Variants in GRIP1 observed in about 807,000 individuals in gnomAD.
GRIP1 encodes the protein glutamate receptor-interacting protein 1.
Under a neutral mutation model 129.9 loss-of-function variants are expected in GRIP1, and 45 were observed. The observed-to-expected ratio is 0.35, with a 90% CI of 0.27 to 0.44. The LOEUF (loss-of-function observed/expected upper bound fraction) is 0.44. Among genes scored for constraint, GRIP1 ranks in the 20% least tolerant of loss-of-function variants. The probability of loss-of-function intolerance (pLI) is 1.00; values close to 1 mark genes in which losing one functional copy is unlikely to be tolerated. For synonymous variants in GRIP1, 530 were observed against 520.8 expected (o/e 1.02, Z -0.24); for missense variants, 1,196 against 1,396.8 (o/e 0.86, Z 2.29).
At chr12:66,504,028 C>A (rs192195465) in intron 7 of GRIP1, among the ~76,000 whole-genome samples, 28 of 152,182 alleles carry the variant, frequency 1.8e-4, no homozygotes, top group African/African-American at 6.5e-4. Flanking sequence ...GAGGGACAGG[C>A]ATGATGGTGA....
At chr12:66,465,478 CAAAA>C in intron 7 of GRIP1, 56 bp from the exon 8 acceptor site, 4 of 1,448,286 alleles carry the variant, frequency 2.8e-6, no homozygotes, top group Non-Finnish European at 3.9e-6. Flanking sequence ...AGCAAAGAGA[CAAAA>C]GAAAGAGATG....
At chr12:66,859,259 G>GGA (rs1555246430) in intron 1 of GRIP1, among the ~76,000 whole-genome samples, 12 of 21,196 alleles carry the variant, frequency 5.7e-4, no homozygotes, top group Non-Finnish European at 2.6e-3. Flanking sequence ...CACATTTTCT[G>GGA]AAAAAAAACA....
intron 1 of GRIP1, among the ~76,000 whole-genome samples, chr12:66,994,290 T>C (rs1566110354): frequency 6.6e-6 from 1 of 151,874 alleles, no homozygotes; most frequent in Non-Finnish European, 1.5e-5. Context: ...AAAATTATTA[T>C]ATCATGACCA....
chr12:66,478,457 G>C (rs2059693157), intron 7 of GRIP1, among the ~76,000 whole-genome samples: 1 of 152,148 alleles, frequency 6.6e-6, no homozygotes, highest in Non-Finnish European at 1.5e-5. Flanking sequence ...AACCATTGTG[G>C]AAGACAGTGT....
intron 1 of GRIP1, among the ~76,000 whole-genome samples, chr12:66,855,842 A>G (rs1440814262): frequency 2.0e-5 from 3 of 152,074 alleles, no homozygotes; most frequent in South Asian, 2.1e-4. Flanking sequence ...TATTGTTCCT[A>G]TAAGTTTGTG....
rs1430218841 is a variant in GRIP1 at position 67,047,573 on chromosome 12, A to G, written c.58+21477T>C. On this transcript the variant is annotated intron_variant, in intron 1 of 1. Transcript: ENST00000643019. ...CTGTTTTGTTCACTGTTGTCTCCTC[A>G]GCATCCAAATAATGCCTGCACAGTT... Among the ~76,000 whole-genome samples the G allele has an allele frequency of 6.6e-5, 10 of 152,316 alleles. 2 individuals carry two copies. The South Asian group carries it at 1.4e-3, about 22-fold the overall frequency.
intron 1 of GRIP1, among the ~76,000 whole-genome samples, chr12:66,926,362 T>C (rs536854897): frequency 6.6e-6 from 1 of 152,312 alleles, no homozygotes; most frequent in South Asian, 2.1e-4. Context: ...GATACCCCCA[T>C]AGCTCGAAGC....
intron 2 of GRIP1, among the ~76,000 whole-genome samples, chr12:66,563,222 T>C (rs1338546467): frequency 1.3e-5 from 2 of 152,080 alleles, no homozygotes; most frequent in Non-Finnish European, 2.9e-5. Context: ...ATATGGACTG[T>C]ATATACACAA....
At chr12:66,785,048 T>C (rs1445727011) in intron 1 of GRIP1, among the ~76,000 whole-genome samples, 4 of 152,174 alleles carry the variant, frequency 2.6e-5, no homozygotes, top group African/African-American at 7.2e-5. Context: ...ATCAATTTCA[T>C]ACTCCACTGA....
At chr12:66,574,791 T>TTTTTTTTTTTTTTTTC (rs1416736842) in intron 2 of GRIP1, among the ~76,000 whole-genome samples, 54 of 113,530 alleles carry the variant, frequency 4.8e-4, no homozygotes, top group Non-Finnish European at 9.0e-4. Context: ...ACTTTTCTTT[T>TTTTTTTTTTTTTTTTC]TTTTTTTTTT....
chr12:66,842,628 A>G (rs2039740811), intron 1 of GRIP1, among the ~76,000 whole-genome samples: 1 of 152,224 alleles, frequency 6.6e-6, no homozygotes, highest in African/African-American at 2.4e-5. Context: ...AAACTAGAAA[A>G]GTCATAACAA....
intron 1 of GRIP1, among the ~76,000 whole-genome samples, chr12:66,735,818 C>T (rs2036577830): frequency 6.6e-6 from 1 of 152,116 alleles, no homozygotes; most frequent in Non-Finnish European, 1.5e-5. Context: ...CTCCATAATC[C>T]CAGGTCTTAA....
intron 1 of GRIP1, among the ~76,000 whole-genome samples, chr12:66,700,609 A>G (rs1371465284): frequency 6.6e-6 from 1 of 151,924 alleles, no homozygotes; most frequent in Non-Finnish European, 1.5e-5. Flanking sequence ...CACTGTGCCT[A>G]ACTCAGTGAA....
chr12:66,527,162 C>A (rs1232886211), intron 5 of GRIP1, among the ~76,000 whole-genome samples: 1 of 148,408 alleles, frequency 6.7e-6, no homozygotes, highest in African/African-American at 2.5e-5. Context: ...TTGACCTAGC[C>A]ATCCCATTAC....
chr12:66,961,401 C>T (rs2137534706), intron 1 of GRIP1, among the ~76,000 whole-genome samples: 1 of 152,272 alleles, frequency 6.6e-6, no homozygotes, highest in Non-Finnish European at 1.5e-5. Context: ...GCCCCACCTA[C>T]AAATATGTTT....
chr12:66,938,636 T>C (rs2041527242), intron 1 of GRIP1, among the ~76,000 whole-genome samples: 1 of 151,804 alleles, frequency 6.6e-6, no homozygotes, highest in Non-Finnish European at 1.5e-5. Context: ...CTAGAAAGGT[T>C]TGCCAGAGAA....
rs2054087164 is a variant in GRIP1, at chr12:66,348,693, C to G, written c.*326G>C. Reference sequence around the variant, plus strand: ...AGAGAATATTTTCAAACAGATGTTTCTCTTTTTAAAAAGTGATAGTAAGAT... The same window carrying G: ...AGAGAATATTTTCAAACAGATGTTTGTCTTTTTAAAAAGTGATAGTAAGAT... On this transcript the variant is annotated 3_prime_UTR_variant, in exon 25 of 25. Transcript: ENST00000359742. The G allele has an allele frequency of 3.3e-6, 1 of 300,946 alleles. No individual in the cohort carries two copies. Among genetic ancestry groups the G allele is most frequent in the Non-Finnish European group, 6.2e-6 (1 of 160,202 alleles). 18.6% of individuals were successfully genotyped at this position (300,946 alleles called of 1,614,324 possible).
At chr12:66,573,598 T>C (rs2139525260) in intron 2 of GRIP1, among the ~76,000 whole-genome samples, 1 of 152,276 alleles carries the variant, frequency 6.6e-6, no homozygotes, top group East Asian at 1.9e-4. Context: ...GGCATTCAAG[T>C]AAGGCAGGCT....
intron 1 of GRIP1, among the ~76,000 whole-genome samples, chr12:66,915,292 T>C (rs1462694539): frequency 1.3e-5 from 2 of 152,144 alleles, no homozygotes; most frequent in Non-Finnish European, 2.9e-5. Flanking sequence ...TGCCAAACTG[T>C]TTGGTAAATG....
Sources: allele counts gnomAD v4.1 joint callset (sites outside exome capture counted in the v4.1 genomes callset), GRCh38; gene constraint gnomAD v4.1.1; transcripts MANE v1.5; gene names NCBI Gene and HGNC (gene_info 2026-07-23, HGNC 2026-07-21).